ADAM19: variants seen among roughly 807,000 people sequenced by gnomAD.
ADAM19 encodes disintegrin and metalloproteinase domain-containing protein 19.
ADAM19 carries 65 observed loss-of-function variants against 114.7 expected under a neutral mutation model. That is an observed-to-expected ratio of 0.57 (90% CI 0.46 to 0.70). ADAM19 has a LOEUF of 0.70. Ranked by LOEUF, ADAM19 falls within the 30% of genes least tolerant of loss-of-function variation. ADAM19 has a pLI of 0.00. For synonymous variants in ADAM19, 466 were observed against 460.5 expected (o/e 1.01, Z -0.15); for missense variants, 1,063 against 1,204.7 (o/e 0.88, Z 1.74).
chr5:157,570,289 AAAAAAAC>A (rs1296425346), intron 2 of ADAM19, among the ~76,000 whole-genome samples: 1 of 146,970 alleles, frequency 6.8e-6, no homozygotes, highest in Non-Finnish European at 1.5e-5. Flanking sequence ...AAACAAAAAC[AAAAAAAC>A]AAAAAACAAA....
chr5:157,537,836 C>A, intron 4 of ADAM19, 77 bp downstream of exon 4: 3 of 1,327,720 alleles, frequency 2.3e-6, no homozygotes, highest in Non-Finnish European at 3.2e-6. Context: ...CCAACTCCAT[C>A]AGGCATCTCC....
At chr5:157,552,677 C>CAAAAAAAAAA (rs778402112) in intron 3 of ADAM19, among the ~76,000 whole-genome samples, 1 of 59,380 alleles carries the variant, frequency 1.7e-5, no homozygotes, top group Non-Finnish European at 3.3e-5. Flanking sequence ...GGACTCTACT[C>CAAAAAAAAAA]AAAAAAAAAA....
At chr5:157,486,503 G>T (rs1043734196) in intron 21 of ADAM19, among the ~76,000 whole-genome samples, 4 of 152,112 alleles carry the variant, frequency 2.6e-5, no homozygotes, top group South Asian at 2.1e-4. Context: ...CAGGTGCAGG[G>T]TATGCACAGC....
chr5:157,553,441 T>C (rs1757259999), intron 3 of ADAM19, among the ~76,000 whole-genome samples: 2 of 152,242 alleles, frequency 1.3e-5, no homozygotes, highest in Admixed American at 6.5e-5. Context: ...TAAAGGTACA[T>C]GGAGACATAT....
At position 157,477,822 on chromosome 5, in the gene ADAM19, C is replaced by T; in HGVS notation, c.*3127G>A. 1.1e-6 allele frequency: 1 copy of T among 927,886 alleles called. No individual in the cohort carries two copies. Among genetic ancestry groups the T allele is most frequent in the Non-Finnish European group, 1.5e-6 (1 of 661,258 alleles). The allele number at this position is 927,886 out of a possible 1,614,324, so 57.5% of individuals were successfully genotyped here. On this transcript the variant is annotated 3_prime_UTR_variant, in exon 23 of 23. Transcript: ENST00000257527. ...GCGTATTGCAGGAGGTGGGGAGGGG[C>T]TATTGCTTCAGGGGGAAGGGACTAT...
Position 157,477,621 on chromosome 5 carries a change from T to G in ADAM19, c.*3328A>C, listed in dbSNP as rs771733139. 2 of 1,282,510 alleles carry G rather than the reference T, an allele frequency of 1.6e-6. No homozygotes were observed. The highest frequency in any genetic ancestry group is 2.0e-6 in the Non-Finnish European group (2 of 984,124). 79.4% of individuals were successfully genotyped at this position (1,282,510 alleles called of 1,614,324 possible). A position where few individuals can be genotyped will look rare whatever the true frequency, so the allele number is the denominator to read the frequency against. The stretch of plus-strand genomic sequence containing the variant: ...CCCCTGGGGAAGGGGACCTTTCCAG[T>G]TGGCGTTCCCATGGCTTTCTTGGGT... On this transcript the variant is annotated 3_prime_UTR_variant, in exon 23 of 23. Coordinates refer to ENST00000257527, the MANE Select transcript of ADAM19 (RefSeq NM_033274.5).
chr5:157,541,818 A>G (rs1261185794), intron 3 of ADAM19, among the ~76,000 whole-genome samples: 1 of 152,250 alleles, frequency 6.6e-6, no homozygotes, highest in Non-Finnish European at 1.5e-5. Flanking sequence ...AGGAGCAGTG[A>G]CACTAAAATG....
At chr5:157,497,743 T>A (rs1755411838) in intron 13 of ADAM19, among the ~76,000 whole-genome samples, 1 of 152,238 alleles carries the variant, frequency 6.6e-6, no homozygotes, top group Admixed American at 6.5e-5. Flanking sequence ...TAGATACTGC[T>A]ATTTGTCCCA....
At chr5:157,489,374 ACT>A (rs1402776176) in intron 19 of ADAM19, among the ~76,000 whole-genome samples, 188 bp from the exon 20 acceptor site, 2 of 151,962 alleles carry the variant, frequency 1.3e-5, no homozygotes, top group African/African-American at 4.8e-5. Flanking sequence ...CCAATGGAGA[ACT>A]CTCAAGGAAA....
At chr5:157,541,947 G>A (rs1009148983) in intron 3 of ADAM19, among the ~76,000 whole-genome samples, 2 of 152,146 alleles carry the variant, frequency 1.3e-5, no homozygotes, top group Non-Finnish European at 2.9e-5. Flanking sequence ...CTCTGCAGAC[G>A]AGCTCAGCAT....
intron 7 of ADAM19, among the ~76,000 whole-genome samples, chr5:157,516,913 G>T (rs1007750188): frequency 1.4e-5 from 2 of 145,914 alleles, no homozygotes; most frequent in Non-Finnish European, 3.0e-5. Flanking sequence ...ACTAGTCTTT[G>T]GAGAGGAAAC....
chr5:157,497,841 T>C (rs1755415822), intron 13 of ADAM19, among the ~76,000 whole-genome samples: 2 of 152,202 alleles, frequency 1.3e-5, no homozygotes, highest in South Asian at 2.1e-4. Context: ...GTGTTACTAA[T>C]ACTCTTTCCA....
Position 157,481,951 on chromosome 5 carries a change from GA to G in ADAM19, c.2551-9del. 2 of 1,582,862 alleles carry G rather than the reference GA, an allele frequency of 1.3e-6. No homozygotes were observed. The highest frequency in any genetic ancestry group is 1.7e-6 in the Non-Finnish European group (2 of 1,164,612). The stretch of plus-strand genomic sequence containing the variant: ...CCGAGGCCTGGAGAAGTCCTGGAGA[GA>G]AAGCAATAAGCCTCACTTGAAGGCC... On this transcript the variant is annotated splice_polypyrimidine_tract_variant and intron_variant, in intron 21 of 22. Coordinates refer to ENST00000257527, the MANE Select transcript of ADAM19 (RefSeq NM_033274.5).
In ADAM19 at chr5:157,537,930, T is replaced by C; in HGVS notation, c.313A>G (p.Thr105Ala). Residue 105 changes from threonine to alanine, a missense_variant, in exon 4 of 23, where the codon ACC becomes GCC. Around this residue, in one of 3 missense-constraint regions of ADAM19, gnomAD observed 615 missense variants for 706.3 expected, o/e 0.87. Coordinates refer to ENST00000257527, the MANE Select transcript of ADAM19 (RefSeq NM_033274.5). The part of the protein sequence containing the change: ...HYTSSGNPQT[T>A]TRKLEDHCFY... ...GAACTCACCTCCAATTTCCGTGTGG[T>C]GGTTTGAGGGTTACCACTTGAAGTA... 2 of 1,614,034 alleles carry C rather than the reference T, an allele frequency of 1.2e-6. No homozygotes were observed. The highest frequency in any genetic ancestry group is 1.7e-6 in the Non-Finnish European group (2 of 1,179,960).
intron 3 of ADAM19, among the ~76,000 whole-genome samples, chr5:157,558,404 A>G (rs190117567): frequency 6.6e-6 from 1 of 152,324 alleles, no homozygotes; most frequent in East Asian, 1.9e-4. Flanking sequence ...TCTGCCAAAT[A>G]CTTGGTTAAA....
chr5:157,531,748 C>T (rs1756630838), intron 4 of ADAM19, among the ~76,000 whole-genome samples: 2 of 150,978 alleles, frequency 1.3e-5, no homozygotes, highest in African/African-American at 2.4e-5. Flanking sequence ...GTCCTTCTAA[C>T]AAGAGGGAAG....
At chr5:157,561,256 A>G (rs1010739974) in intron 3 of ADAM19, among the ~76,000 whole-genome samples, 1 of 152,188 alleles carries the variant, frequency 6.6e-6, no homozygotes, top group African/African-American at 2.4e-5. Context: ...CCTGAGCTGA[A>G]GCTCACTTTG....
At position 157,480,402 on chromosome 5, in the gene ADAM19, A is replaced by C. The variant is rs1041530833; in HGVS notation, c.*547T>G. On this transcript the variant is annotated 3_prime_UTR_variant, in exon 23 of 23. Transcript: ENST00000257527. Reference sequence around the variant, plus strand: ...TTGTCACATGCAGCCATACAGCCAGAAGCCGTTCCCTCAACCAAGCCCTGG... The same window carrying C: ...TTGTCACATGCAGCCATACAGCCAGCAGCCGTTCCCTCAACCAAGCCCTGG... 4 of 988,872 alleles carry C rather than the reference A, an allele frequency of 4.0e-6. No homozygotes were observed. In the African/African-American group the frequency reaches 7.0e-5, roughly 17 times the overall value. 61.3% of individuals were successfully genotyped at this position (988,872 alleles called of 1,614,324 possible). A position where few individuals can be genotyped will look rare whatever the true frequency, so the allele number is the denominator to read the frequency against.
intron 10 of ADAM19, 69 bp downstream of exon 10, chr5:157,506,987 A>G (rs1561535058): frequency 7.6e-7 from 1 of 1,307,788 alleles, no homozygotes; most frequent in Middle Eastern, 1.9e-4. Flanking sequence ...TATTATTCAA[A>G]AGATGACCTC....
Sources: gnomAD v4.1 joint callset for allele counts (sites outside exome capture counted in the v4.1 genomes callset) on GRCh38, gnomAD v4.1.1 for gene constraint, gnomAD v4.1.1 regional missense constraint, MANE v1.5 for transcripts, NCBI Gene and HGNC (gene_info 2026-07-23, HGNC 2026-07-21) for gene names.